The following AKR1B10 variants were observed in gnomAD, a reference collection of about 807,000 sequenced individuals.
AKR1B10 encodes ARP.
In AKR1B10, 39 loss-of-function variants were observed where a neutral mutation model predicts 38.9. The ratio of observed to expected loss-of-function variants is 1.00; its 90% CI spans 0.78 to 1.31. AKR1B10 has a LOEUF of 1.31. Ranked by LOEUF, AKR1B10 falls within the 50% of genes most tolerant of loss-of-function variation. AKR1B10 has a pLI of 0.00. For missense variants in AKR1B10, 361 were observed against 382.6 expected (o/e 0.94, Z 0.47); for synonymous variants, 148 against 141.2 (o/e 1.05, Z -0.34).
Position 134,538,263 on chromosome 7 carries a change from G to A in AKR1B10, c.811G>A (p.Val271Ile). The A allele has an allele frequency of 6.2e-7, 1 of 1,614,002 alleles. No individual in the cohort carries two copies. Among genetic ancestry groups the A allele is most frequent in the Non-Finnish European group, 8.5e-7 (1 of 1,179,926 alleles). The change falls in exon 8 of 10, where the codon GTT becomes ATT. Residue 271 changes from valine to isoleucine, a missense_variant. By Grantham distance (29) the Val-to-Ile change is conservative (BLOSUM62 3). Coordinates refer to ENST00000359579, the MANE Select transcript of AKR1B10 (RefSeq NM_020299.5). The stretch of plus-strand genomic sequence containing the variant: ...CAAGTCTGTGACACCAGCACGCATT[G>A]TTGAGAACATTCAGGTAAGTTTCCG... ...IPKSVTPARI[V>I]ENIQVFDFKL...
In AKR1B10 at chr7:134,536,718, G is replaced by C; in HGVS notation, c.498G>C (p.Gln166His). The stretch of plus-strand genomic sequence containing the variant: ...GGGTCTCCAATTTCAGCCACTTCCA[G>C]ATCGAGAAGCTCTTGAACAAACCTG... ...ALGVSNFSHF[Q>H]IEKLLNKPGL... The change falls in exon 5 of 10, where the codon CAG becomes CAC. Residue 166 changes from glutamine to histidine, a missense_variant. By Grantham distance (24) the Gln-to-His change is conservative (BLOSUM62 0). This residue lies in a region of AKR1B10 where 220 missense variants were observed against 216.1 expected (regional missense o/e 1.02). Transcript: ENST00000359579. 6.2e-7 allele frequency: 1 copy of C among 1,613,936 alleles called. No individual in the cohort carries two copies.
chr7:134,539,495 G>A (rs1330078043), intron 9 of AKR1B10, among the ~76,000 whole-genome samples: 2 of 152,160 alleles, frequency 1.3e-5, no homozygotes, highest in African/African-American at 2.4e-5. Flanking sequence ...ATAGGAAGCG[G>A]TGGGTGGTAG....
At chr7:134,535,614 G>GTTTTT in intron 4 of AKR1B10, 2 of 144,250 alleles carry the variant, frequency 1.4e-5, no homozygotes, top group Non-Finnish European at 1.8e-5. Flanking sequence ...TTTTTCTTTT[G>GTTTTT]AGGCCCAGCT....
chr7:134,536,836 A>G lies in AKR1B10; in HGVS notation c.552+64A>G, dbSNP rs980441634. 12 of 1,603,972 alleles carry G rather than the reference A, an allele frequency of 7.5e-6. No homozygotes were observed. The African/African-American group carries it at 1.5e-4, about 20-fold the overall frequency. On this transcript the variant is annotated intron_variant, in intron 5 of 9. Coordinates refer to ENST00000359579, the MANE Select transcript of AKR1B10 (RefSeq NM_020299.5). ...ATTACTTCTTAAACATTGCGGGAGGAATGTTCAATGCTATGCCCTGAGTCT... is the reference window on the plus strand; with the variant it reads ...ATTACTTCTTAAACATTGCGGGAGGGATGTTCAATGCTATGCCCTGAGTCT...
chr7:134,532,801 G>T (rs79366310), intron 3 of AKR1B10, among the ~76,000 whole-genome samples: 10,209 of 152,196 alleles, frequency 0.067, 608 homozygotes, highest in African/African-American at 0.15. Flanking sequence ...TTAAAGTCAA[G>T]CCAGTCGTTT....
chr7:134,537,008 CAG>C (rs1808029021), intron 5 of AKR1B10, 41 bp from the exon 6 acceptor site: 1 of 1,550,568 alleles, frequency 6.4e-7, no homozygotes, highest in African/African-American at 1.4e-5. Context: ...CAATGCAAAA[CAG>C]AGCCGGCTTT....
intron 1 of AKR1B10, among the ~76,000 whole-genome samples, chr7:134,530,335 T>C (rs1003396211): frequency 1.3e-5 from 2 of 152,176 alleles, no homozygotes; most frequent in African/African-American, 4.8e-5. Flanking sequence ...GACATAATCA[T>C]AAAATAATTC....
intron 9 of AKR1B10, among the ~76,000 whole-genome samples, chr7:134,540,100 C>G (rs1209931118): frequency 6.6e-6 from 1 of 152,052 alleles, no homozygotes; most frequent in Non-Finnish European, 1.5e-5. Flanking sequence ...CACCTGTAGT[C>G]CCAGCTAATT....
Position 134,536,649 on chromosome 7 carries a change from G to C in AKR1B10, c.430-1G>C. The C allele has an allele frequency of 6.2e-7, 1 of 1,613,792 alleles. No homozygotes were observed. Among genetic ancestry groups the C allele is most frequent in the Non-Finnish European group, 8.5e-7 (1 of 1,179,784 alleles). Reference sequence around the variant, plus strand: ...CCATAAGGTATTCCTTTCTATGATAGGCCATGGAGGAGCTGGTGGATGAGG... The same window carrying C: ...CCATAAGGTATTCCTTTCTATGATACGCCATGGAGGAGCTGGTGGATGAGG... On this transcript the variant is annotated splice_acceptor_variant, in intron 4 of 9. Coordinates refer to ENST00000359579, the MANE Select transcript of AKR1B10 (RefSeq NM_020299.5). LOFTEE classifies it high-confidence loss of function.
In AKR1B10 at chr7:134,533,043, G is replaced by A. The variant is rs764062612; in HGVS notation, c.391G>A (p.Ala131Thr). 45 of 1,600,824 alleles carry A rather than the reference G, an allele frequency of 2.8e-5. No individual in the cohort carries two copies. The highest frequency in any genetic ancestry group is 3.7e-5 in the Non-Finnish European group (43 of 1,175,500). Residue 131 changes from alanine (A) to threonine (T), a missense_variant, in exon 4 of 10, where the codon GCC becomes ACC. Transcript: ENST00000359579. ...TTTCCCCAAAGATGATAAAGGTAAT[G>A]CCATCGGTGGAAAAGCAACGTTCTT... Reference protein sequence around the residue: ...DLFPKDDKGNAIGGKATFLDA... With the variant: ...DLFPKDDKGNTIGGKATFLDA...
chr7:134,540,099 T>C (rs1808109351), intron 9 of AKR1B10, among the ~76,000 whole-genome samples: 1 of 151,980 alleles, frequency 6.6e-6, no homozygotes, highest in African/African-American at 2.4e-5. Context: ...GCACCTGTAG[T>C]CCCAGCTAAT....
At chr7:134,532,817 A>G (rs917292652) in intron 3 of AKR1B10, among the ~76,000 whole-genome samples, 187 bp from the exon 4 acceptor site, 17 of 152,216 alleles carry the variant, frequency 1.1e-4, no homozygotes, top group African/African-American at 4.1e-4. Context: ...CGTTTCTAAA[A>G]TATTAGTATG....
chr7:134,535,636 T>C (rs1585754760), intron 4 of AKR1B10: 1 of 512,520 alleles, frequency 2.0e-6, no homozygotes, highest in Non-Finnish European at 2.5e-6. Context: ...ATACTCTACC[T>C]GAAGGACTCC....
chr7:134,538,381 C>A, intron 8 of AKR1B10, 104 bp downstream of exon 8: 1 of 1,138,446 alleles, frequency 8.8e-7, no homozygotes, highest in Non-Finnish European at 1.3e-6. Flanking sequence ...CTTTTGCCCC[C>A]TCCCTTCCCA....
At chr7:134,539,270 C>T (rs1331835970) in intron 9 of AKR1B10, among the ~76,000 whole-genome samples, 3 of 152,072 alleles carry the variant, frequency 2.0e-5, no homozygotes, top group South Asian at 2.1e-4. Context: ...AGGCGGGAGG[C>T]AGAACATTCA....
At chr7:134,529,636 A>G (rs973230769) in intron 1 of AKR1B10, among the ~76,000 whole-genome samples, 6 of 152,006 alleles carry the variant, frequency 3.9e-5, no homozygotes, top group African/African-American at 1.5e-4. Context: ...TGTTTTGTGT[A>G]CTGTTCAATG....
intron 3 of AKR1B10, among the ~76,000 whole-genome samples, chr7:134,532,239 G>GA (rs1237282745): frequency 4.6e-5 from 7 of 152,142 alleles, no homozygotes; most frequent in Non-Finnish European, 7.3e-5. Flanking sequence ...CCACATGCCT[G>GA]GGTTTTCTTG....
At chr7:134,531,183 G>A (rs1585751214) in intron 2 of AKR1B10, among the ~76,000 whole-genome samples, 1 of 152,236 alleles carries the variant, frequency 6.6e-6, no homozygotes, top group African/African-American at 2.4e-5. Context: ...CAGTGACTGT[G>A]CCCCTGAGAC....
chr7:134,537,322 AAAC>A (rs1185469951), intron 6 of AKR1B10, among the ~76,000 whole-genome samples, 165 bp downstream of exon 6: 3 of 152,084 alleles, frequency 2.0e-5, no homozygotes, highest in Non-Finnish European at 4.4e-5. Flanking sequence ...AATGGGAATT[AAAC>A]AACAACAACA....
Sources: allele counts gnomAD v4.1 joint callset (sites outside exome capture counted in the v4.1 genomes callset), GRCh38; gene constraint gnomAD v4.1.1; regional missense constraint gnomAD v4.1.1; transcripts MANE v1.5; gene names NCBI Gene and HGNC (gene_info 2026-07-23, HGNC 2026-07-21).